Variants in RBFOX1 observed in about 807,000 individuals in gnomAD.
RBFOX1 encodes the protein RNA binding protein fox-1 homolog 1.
A neutral mutation model predicts 57.7 loss-of-function variants in RBFOX1; 8 were observed. That is an observed-to-expected ratio of 0.14 (90% CI 0.08 to 0.25). The LOEUF is 0.25. RBFOX1 is among the 10% of genes least tolerant of loss of function. The pLI, the probability that RBFOX1 is intolerant of heterozygous loss-of-function variation, is 1.00. For missense variants in RBFOX1, 611 were observed against 548.5 expected (o/e 1.11, Z -1.14); for synonymous variants, 326 against 222.4 (o/e 1.47, Z -4.15).
At chr16:7,341,383 C>G (rs2096887392) in intron 4 of RBFOX1, among the ~76,000 whole-genome samples, 1 of 152,132 alleles carries the variant, frequency 6.6e-6, no homozygotes, top group Non-Finnish European at 1.5e-5. Flanking sequence ...AATGATTTAT[C>G]AATCATAGAT....
At chr16:5,326,268 C>G (rs769231094) in intron 1 of RBFOX1, among the ~76,000 whole-genome samples, 25 of 152,164 alleles carry the variant, frequency 1.6e-4, no homozygotes, top group Non-Finnish European at 2.5e-4. Context: ...GCTAGCAGAG[C>G]CTCAAACTAA....
At chr16:7,019,939 C>A (rs775561491) in intron 3 of RBFOX1, among the ~76,000 whole-genome samples, 1 of 151,984 alleles carries the variant, frequency 6.6e-6, no homozygotes, top group Non-Finnish European at 1.5e-5. Flanking sequence ...ACATTTTGTT[C>A]TCTCCACCTG....
chr16:6,917,239 G>T (rs373235579), intron 3 of RBFOX1, among the ~76,000 whole-genome samples: 1 of 152,216 alleles, frequency 6.6e-6, no homozygotes, highest in Non-Finnish European at 1.5e-5. Flanking sequence ...CTTGGTCCCC[G>T]CTCTCACTGC....
At chr16:5,676,922 G>T (rs2050185472) in intron 3 of RBFOX1, among the ~76,000 whole-genome samples, 1 of 152,212 alleles carries the variant, frequency 6.6e-6, no homozygotes, top group Admixed American at 6.5e-5. Flanking sequence ...AAATGTTGGT[G>T]ATTGACTTTT....
chr16:6,717,629 C>T (rs895271611), intron 3 of RBFOX1, among the ~76,000 whole-genome samples: 3 of 151,404 alleles, frequency 2.0e-5, no homozygotes, highest in African/African-American at 7.3e-5. Flanking sequence ...TTACATGTCA[C>T]ATCCTGGATC....
At chr16:7,274,706 G>A (rs1711524970) in intron 4 of RBFOX1, among the ~76,000 whole-genome samples, 2 of 139,454 alleles carry the variant, frequency 1.4e-5, no homozygotes, top group Admixed American at 1.4e-4. Flanking sequence ...TTTTTTTGAG[G>A]CAAGGTCTCA....
intron 1 of RBFOX1, among the ~76,000 whole-genome samples, chr16:5,254,770 A>G (rs1427701351): frequency 2.6e-5 from 4 of 152,214 alleles, no homozygotes; most frequent in African/African-American, 9.6e-5. Context: ...ACAGGTGAAG[A>G]TACCCAGTGG....
intron 4 of RBFOX1, among the ~76,000 whole-genome samples, chr16:5,900,019 A>G (rs143632087): frequency 0.013 from 1,953 of 152,304 alleles, 39 homozygotes; most frequent in African/African-American, 0.044. Context: ...TGGAGGTTGC[A>G]GTGAGCCGAG....
intron 2 of RBFOX1, among the ~76,000 whole-genome samples, chr16:6,425,879 G>A (rs1168961205): frequency 6.6e-6 from 1 of 152,086 alleles, no homozygotes; most frequent in Non-Finnish European, 1.5e-5. Context: ...ATTGTCAAGT[G>A]TACAATTCCG....
At chr16:6,827,919 G>C (rs1038767164) in intron 3 of RBFOX1, among the ~76,000 whole-genome samples, 2 of 152,194 alleles carry the variant, frequency 1.3e-5, no homozygotes, top group Admixed American at 1.3e-4. Context: ...GCATACATTT[G>C]TAAGCAGTTT....
intron 3 of RBFOX1, among the ~76,000 whole-genome samples, chr16:6,718,982 C>G (rs977290543): frequency 2.0e-5 from 3 of 152,092 alleles, no homozygotes; most frequent in Admixed American, 6.5e-5. Context: ...CCCACCTCAG[C>G]TTCCCAAGTA....
chr16:5,824,230 C>T (rs767037307), intron 3 of RBFOX1, among the ~76,000 whole-genome samples: 2 of 152,200 alleles, frequency 1.3e-5, no homozygotes, highest in Non-Finnish European at 2.9e-5. Flanking sequence ...CCAGAGTCTG[C>T]GCCAGGTCCC....
chr16:5,732,731 C>G (rs912840615), intron 3 of RBFOX1, among the ~76,000 whole-genome samples: 1 of 152,128 alleles, frequency 6.6e-6, no homozygotes, highest in Non-Finnish European at 1.5e-5. Context: ...TTATTTACTA[C>G]AAGTCACTTA....
At chr16:5,284,539 CTT>C (rs67592139) in intron 1 of RBFOX1, among the ~76,000 whole-genome samples, 7 of 134,474 alleles carry the variant, frequency 5.2e-5, no homozygotes, top group African/African-American at 8.1e-5. Flanking sequence ...AATATTTTTT[CTT>C]TTTTTTTTTT....
chr16:5,615,229 C>T (rs1440310381), intron 3 of RBFOX1, among the ~76,000 whole-genome samples: 3 of 152,146 alleles, frequency 2.0e-5, no homozygotes, highest in Non-Finnish European at 4.4e-5. Context: ...TGGAGTCTCA[C>T]TATGTTGCCC....
At chr16:6,479,845 C>A (rs912045330) in intron 2 of RBFOX1, among the ~76,000 whole-genome samples, 1 of 151,346 alleles carries the variant, frequency 6.6e-6, no homozygotes, top group African/African-American at 2.4e-5. Context: ...AGGTCAGGAG[C>A]TTGAGACCAG....
intron 2 of RBFOX1, among the ~76,000 whole-genome samples, chr16:6,400,087 A>G (rs1420522313): frequency 6.6e-6 from 1 of 152,200 alleles, no homozygotes; most frequent in East Asian, 1.9e-4. Context: ...GGTGATTTGA[A>G]CAACACTATC....
chr16:7,592,914 C>A (rs967614392), intron 7 of RBFOX1, among the ~76,000 whole-genome samples: 1 of 151,480 alleles, frequency 6.6e-6, no homozygotes, highest in African/African-American at 2.4e-5. Flanking sequence ...TGGGCTCAAG[C>A]AATGAATGCT....
Position 6,780,316 on chromosome 16 carries a change from T to TACA in RBFOX1, c.-16+125666_-16+125667insACA, listed in dbSNP as rs1567215815. Among the ~76,000 whole-genome samples the TACA allele has an allele frequency of 4.5e-4, 34 of 75,502 alleles. 3 individuals carry two copies. The highest frequency in any genetic ancestry group is 1.1e-3 in the South Asian group (2 of 1,774). The allele number at this position is 75,502 out of a possible 152,430, so 49.5% of individuals were successfully genotyped here. ...ATATATTTATACATATATATATTTA[T>TACA]TCATATTTATATATATTTATACATA... On this transcript the variant is annotated intron_variant, in intron 3 of 15. Coordinates refer to ENST00000550418, the MANE Select transcript of RBFOX1 (RefSeq NM_018723.4).
Sources: allele counts gnomAD v4.1 joint callset (sites outside exome capture counted in the v4.1 genomes callset), GRCh38; gene constraint gnomAD v4.1.1; transcripts MANE v1.5; gene names NCBI Gene and HGNC (gene_info 2026-07-23, HGNC 2026-07-21).